The following ZNF346 variants were observed in gnomAD, a reference collection of about 807,000 sequenced individuals.
The protein encoded by ZNF346 is double-stranded RNA-binding zinc finger protein JAZ.
In ZNF346, 23 loss-of-function variants were observed where a neutral mutation model predicts 33.7. That is an observed-to-expected ratio of 0.68 (90% CI 0.49 to 0.97). ZNF346 has a LOEUF of 0.97. Ranked by LOEUF, ZNF346 falls within the 50% of genes least tolerant of loss-of-function variation. ZNF346 has a pLI of 0.00. For synonymous variants in ZNF346, 134 were observed against 142.4 expected (o/e 0.94, Z 0.42); for missense variants, 340 against 371.1 (o/e 0.92, Z 0.69).
intron 3 of ZNF346, among the ~76,000 whole-genome samples, chr5:177,042,987 G>A (rs1423365212): frequency 6.6e-6 from 1 of 152,154 alleles, no homozygotes; most frequent in African/African-American, 2.4e-5. Context: ...AAGTAGCTGG[G>A]ACTACAGGCA....
Position 177,064,888 on chromosome 5 carries a change from G to A in ZNF346, c.*289G>A, listed in dbSNP as rs1471409151. On this transcript the variant is annotated 3_prime_UTR_variant, in exon 7 of 7. Transcript: ENST00000358149. ...CTTTCCCCATTTCCCAACCCCTCTG[G>A]GCCTTAGGTGCTGAGGCCCCTGCCA... 3 of 388,642 alleles carry A rather than the reference G, an allele frequency of 7.7e-6. No individual in the cohort carries two copies. Among genetic ancestry groups the A allele is most frequent in the Non-Finnish European group, 1.4e-5 (3 of 212,880 alleles). 24.1% of individuals were successfully genotyped at this position (388,642 alleles called of 1,614,324 possible). A position where few individuals can be genotyped will look rare whatever the true frequency, so the allele number is the denominator to read the frequency against.
At chr5:177,069,706 T>G (rs1333323909), downstream of ZNF346, among the ~76,000 whole-genome samples, 1 of 147,046 alleles carries the variant, frequency 6.8e-6, no homozygotes, top group Admixed American at 6.6e-5. Context: ...ATTTTTTCTA[T>G]TTTTTGTAGA....
chr5:177,049,591 T>C (rs1780582275), intron 4 of ZNF346, among the ~76,000 whole-genome samples: 2 of 152,138 alleles, frequency 1.3e-5, no homozygotes, highest in Non-Finnish European at 1.5e-5. Context: ...ATCAGGGATG[T>C]TTTCTGAAGG....
chr5:177,028,496 T>TATATATATATATA lies in ZNF346; in HGVS notation c.175+5583_175+5584insATATATATATATA, dbSNP rs1554142623. Among the ~76,000 whole-genome samples, 439 of 90,458 alleles carry TATATATATATATA rather than the reference T, an allele frequency of 4.9e-3. 13 individuals carry two copies. The highest frequency in any genetic ancestry group is 0.02 in the African/African-American group (334 of 17,104). 59.3% of individuals were successfully genotyped at this position (90,458 alleles called of 152,430 possible). A position where few individuals can be genotyped will look rare whatever the true frequency, so the allele number is the denominator to read the frequency against. ...TTCTCTCTTAAGCACTTGTGACGTT[T>TATATATATATATA]TATATATATATATATATATATATAT... is the stretch of plus-strand genomic sequence containing the variant. On this transcript the variant is annotated intron_variant, in intron 1 of 6. Transcript: ENST00000358149.
intron 4 of ZNF346, among the ~76,000 whole-genome samples, chr5:177,049,095 CT>C (rs1391849148): frequency 6.6e-6 from 1 of 151,994 alleles, no homozygotes; most frequent in Non-Finnish European, 1.5e-5. Flanking sequence ...CTGTAACTTG[CT>C]TTTTTTACAC....
chr5:177,023,258 A>T, intron 1 of ZNF346: 1 of 1,495,200 alleles, frequency 6.7e-7, no homozygotes, highest in Non-Finnish European at 9.0e-7. Context: ...AGTGCCCCTC[A>T]CCACTCCTTG....
At position 177,051,071 on chromosome 5, in the gene ZNF346, G is replaced by T. The variant is rs114213964; in HGVS notation, c.703+135G>T. On this transcript the variant is annotated intron_variant, in intron 5 of 6. Coordinates refer to ENST00000358149, the MANE Select transcript of ZNF346 (RefSeq NM_012279.4). ...CGAACTCAGATGGCTACAGAAGCCA[G>T]ATGAGAAATTAAAATGAGAGCCAGG... 8.0e-4 allele frequency: 509 copies of T among 634,476 alleles called. 7 individuals are homozygous for T. In the African/African-American group the frequency reaches 8.3e-3, roughly 10 times the overall value. 39.3% of individuals were successfully genotyped at this position (634,476 alleles called of 1,614,324 possible).
intron 1 of ZNF346, among the ~76,000 whole-genome samples, chr5:177,027,381 C>T (rs1025747502): frequency 6.6e-6 from 1 of 151,928 alleles, no homozygotes; most frequent in Non-Finnish European, 1.5e-5. Flanking sequence ...GCCTGGGCAA[C>T]GTGGAGAAAC....
At chr5:177,044,585 C>T (rs763460563) in intron 4 of ZNF346, 52 bp downstream of exon 4, 1 of 1,594,452 alleles carries the variant, frequency 6.3e-7, no homozygotes, top group South Asian at 1.1e-5. Flanking sequence ...GTCCTCAGGG[C>T]ACTACTGCCA....
chr5:177,080,695 C>T (rs1246170187), exon 9 of ZNF346: 1 of 152,352 alleles, frequency 6.6e-6, no homozygotes, highest in African/African-American at 2.4e-5. Flanking sequence ...GTAATCCCAG[C>T]TACTCAGGTG....
intron 1 of ZNF346, among the ~76,000 whole-genome samples, chr5:177,037,920 C>T (rs1236807391): frequency 6.6e-6 from 1 of 152,054 alleles, no homozygotes; most frequent in East Asian, 1.9e-4. Context: ...TAATTTCCTA[C>T]CATTCTTCTC....
intron 6 of ZNF346, among the ~76,000 whole-genome samples, chr5:177,063,678 A>G (rs562949002): frequency 6.6e-6 from 1 of 152,322 alleles, no homozygotes; most frequent in African/African-American, 2.4e-5. Flanking sequence ...GGGCAAGTCA[A>G]TAAGTCTGTA....
chr5:177,052,962 C>G (rs1423777143), intron 5 of ZNF346: 3 of 151,912 alleles, frequency 2.0e-5, no homozygotes. Context: ...TGCTGACTTG[C>G]AGGATCCATT....
At chr5:177,037,049 A>G (rs1778608014) in intron 1 of ZNF346, among the ~76,000 whole-genome samples, 1 of 151,968 alleles carries the variant, frequency 6.6e-6, no homozygotes, top group Non-Finnish European at 1.5e-5. Flanking sequence ...TCGGATTGTT[A>G]AGTCCCTTTG....
At chr5:177,047,217 T>G (rs904136928) in intron 4 of ZNF346, among the ~76,000 whole-genome samples, 5 of 151,746 alleles carry the variant, frequency 3.3e-5, no homozygotes, top group Non-Finnish European at 4.4e-5. Context: ...CCTGGCCAAT[T>G]TTTGTGTTTT....
intron 1 of ZNF346, chr5:177,023,376 G>T: frequency 1.5e-6 from 1 of 670,940 alleles, no homozygotes; most frequent in East Asian, 2.7e-5. Flanking sequence ...TACCCCCTGG[G>T]TTCCTCCTGG....
chr5:177,031,732 A>G (rs1777728051), intron 1 of ZNF346, among the ~76,000 whole-genome samples: 1 of 151,890 alleles, frequency 6.6e-6, no homozygotes, highest in Admixed American at 6.6e-5. Flanking sequence ...CCTTACACAT[A>G]TGTTAGTATG....
Position 177,041,776 on chromosome 5 carries a change from A to G in ZNF346, c.280-2A>G, listed in dbSNP as rs779720017. On this transcript the variant is annotated splice_acceptor_variant, in intron 2 of 6. Coordinates refer to ENST00000358149, the MANE Select transcript of ZNF346 (RefSeq NM_012279.4). LOFTEE classifies it high-confidence loss of function. The stretch of plus-strand genomic sequence containing the variant: ...TTTGATCTTTCTCCTGGGTTTTTGC[A>G]GAGCAAAAAACATGCCAACAAAGTG... The G allele has an allele frequency of 6.2e-7, 1 of 1,603,982 alleles. No homozygotes were observed. The highest frequency in any genetic ancestry group is 8.5e-7 in the Non-Finnish European group (1 of 1,171,298).
intron 8 of ZNF346, among the ~76,000 whole-genome samples, chr5:177,079,146 C>T (rs936280993): frequency 1.3e-5 from 2 of 151,858 alleles, no homozygotes; most frequent in African/African-American, 4.8e-5. Context: ...GTGGCTTACA[C>T]CTGTAATCCC....
Sources: gnomAD v4.1 joint callset for allele counts (sites outside exome capture counted in the v4.1 genomes callset) on GRCh38, gnomAD v4.1.1 for gene constraint, MANE v1.5 for transcripts, NCBI Gene and HGNC (gene_info 2026-07-23, HGNC 2026-07-21) for gene names.